SZT2: variants seen among roughly 807,000 people sequenced by gnomAD.
SZT2 encodes SZT2 subunit of KICSTOR complex.
SZT2 carries 216 observed loss-of-function variants against 404.2 expected under a neutral mutation model. The ratio of observed to expected loss-of-function variants is 0.53; its 90% CI spans 0.48 to 0.60. SZT2 has a LOEUF of 0.60. Ranked by LOEUF, SZT2 falls within the 20% of genes least tolerant of loss-of-function variation. SZT2 has a pLI of 0.00. For missense variants in SZT2, 3,857 were observed against 4,459.2 expected (o/e 0.86, Z 3.85); for synonymous variants, 1,693 against 1,749.9 (o/e 0.97, Z 0.81).
chr1:43,418,809 C>G (rs1371069468), intron 7 of SZT2, among the ~76,000 whole-genome samples: 1 of 151,992 alleles, frequency 6.6e-6, no homozygotes, highest in African/African-American at 2.4e-5. Context: ...AGCAGAGGTT[C>G]AAGGCCTGGC....
In SZT2 at chr1:43,439,904, C is replaced by T. The variant is rs1185863092; in HGVS notation, c.7066C>T (p.Arg2356Ter). 1.2e-6 allele frequency: 2 copies of T among 1,604,342 alleles called. No homozygotes were observed. The highest frequency in any genetic ancestry group is 8.5e-7 in the Non-Finnish European group (1 of 1,174,806). Residue 2356 changes from arginine to a stop codon, truncating the protein, a stop_gained, in exon 51 of 72, where the codon CGA (arginine) becomes TGA (stop). Coordinates refer to ENST00000634258, the MANE Select transcript of SZT2 (RefSeq NM_001365999.1). LOFTEE classifies it high-confidence loss of function. The surrounding 1 kb of genome is among the most constrained non-coding windows in gnomAD (Gnocchi z 4.2). Reference protein sequence around the residue: ...SSAQNGAPRLRLDVWEKGNIS... With the variant: ...SSAQNGAPRL ...AGCTCAGAATGGGGCCCCACGGCTT[C>T]GATTGGATGTGTGGGAAAAGGGGAA...
Position 43,425,406 on chromosome 1 carries a change from C to A in SZT2, c.2646-68C>A. The A allele has an allele frequency of 1.9e-6, 3 of 1,595,628 alleles. No homozygotes were observed. The South Asian group carries it at 3.4e-5, about 18-fold the overall frequency. On this transcript the variant is annotated intron_variant, in intron 18 of 71. Coordinates refer to ENST00000634258, the MANE Select transcript of SZT2 (RefSeq NM_001365999.1). This position sits in a 1 kb window ranked among gnomAD's most constrained non-coding sequence, Gnocchi z 4.3. ...CGTGGCTGTCCTCTGTGCCTGCCTC[C>A]TTCCCTCCATGAGGTTCACTCCCTG...
At chr1:43,390,146 T>A in intron 1 of SZT2, 151 bp downstream of exon 1, 1 of 894,798 alleles carries the variant, frequency 1.1e-6, no homozygotes, top group Non-Finnish European at 1.5e-6. Flanking sequence ...CCGACTATGG[T>A]ACCCCTGCGG....
rs1259321047 is a variant in SZT2 at position 43,453,683 on chromosome 1, C to T, written c.*3203C>T. On this transcript the variant is annotated 3_prime_UTR_variant, in exon 72 of 72. Transcript: ENST00000634258. ...CAGGCGTCTCCGCGTACGGCCAGGC[C>T]ACCTCGACGGCCTCGAAGCCCGAGC... is the stretch of plus-strand genomic sequence containing the variant. 11 of 1,460,810 alleles carry T rather than the reference C, an allele frequency of 7.5e-6. No individual in the cohort carries two copies. Among genetic ancestry groups the T allele is most frequent in the Non-Finnish European group, 9.9e-6 (11 of 1,116,050 alleles). The allele number at this position is 1,460,810 out of a possible 1,614,324, so 90.5% of individuals were successfully genotyped here. A position where few individuals can be genotyped will look rare whatever the true frequency, so the allele number is the denominator to read the frequency against.
In SZT2 at chr1:43,431,267, C is replaced by T. The variant is rs1355780223; in HGVS notation, c.4919C>T (p.Ser1640Leu). The T allele has an allele frequency of 1.2e-6, 2 of 1,608,160 alleles. No homozygotes were observed. Among genetic ancestry groups the T allele is most frequent in the East Asian group, 2.2e-5 (1 of 44,862 alleles). Residue 1640 changes from serine to leucine, a missense_variant and splice_region_variant, in exon 34 of 72, where the codon TCA becomes TTA. Ser to Leu is a moderately radical substitution (Grantham distance 145). Around this residue, in one of 7 missense-constraint regions of SZT2, gnomAD observed 1,725 missense variants for 1,881.0 expected, o/e 0.92. Coordinates refer to ENST00000634258, the MANE Select transcript of SZT2 (RefSeq NM_001365999.1). Reference sequence around the variant, plus strand: ...TGACTTGTTCCCACCCTGTTCAGGTCAACATCTGAAAGCAGTGCTTCATTT... The same window carrying T: ...TGACTTGTTCCCACCCTGTTCAGGTTAACATCTGAAAGCAGTGCTTCATTT... Reference protein sequence around the residue: ...PTASDPQHHRSTSESSASFPR... With the variant: ...PTASDPQHHRLTSESSASFPR...
In SZT2 at chr1:43,431,526, G is replaced by A. The variant is rs1446294434; in HGVS notation, c.5088+3G>A. On this transcript the variant is annotated splice_donor_region_variant and intron_variant, in intron 35 of 71. Coordinates refer to ENST00000634258, the MANE Select transcript of SZT2 (RefSeq NM_001365999.1). ...CTATTGAGACCACCATGAATGAGGT[G>A]AGCCCCCCACCCCCAACACTGTAAC... is the stretch of plus-strand genomic sequence containing the variant. The A allele has an allele frequency of 6.2e-7, 1 of 1,614,132 alleles. No individual in the cohort carries two copies. Among genetic ancestry groups the A allele is most frequent in the East Asian group, 2.2e-5 (1 of 44,874 alleles).
intron 46 of SZT2, 197 bp downstream of exon 46, chr1:43,438,099 C>G (rs1654657001): frequency 1.7e-6 from 1 of 576,648 alleles, no homozygotes; most frequent in Non-Finnish European, 3.1e-6. Context: ...CCTCCTATTA[C>G]TCTGCCCTGG....
chr1:43,445,741 T>TC (rs1655584166), intron 62 of SZT2, 153 bp from the exon 63 acceptor site: 4 of 758,964 alleles, frequency 5.3e-6, no homozygotes, highest in Admixed American at 4.1e-5. Context: ...AGACCTGGAC[T>TC]CCAAGCCCAG....
rs763660997 is a variant in SZT2, at chr1:43,416,525, C to G, written c.773-10C>G. The G allele has an allele frequency of 6.3e-7, 1 of 1,597,036 alleles. No homozygotes were observed. The highest frequency in any genetic ancestry group is 8.5e-7 in the Non-Finnish European group (1 of 1,179,068). On this transcript the variant is annotated splice_polypyrimidine_tract_variant and intron_variant, in intron 6 of 71. Coordinates refer to ENST00000634258, the MANE Select transcript of SZT2 (RefSeq NM_001365999.1). Reference sequence around the variant, plus strand: ...TGTCTCCAGGTCTGATCTGGTGTTTCCTGCTCCAGGGATTATCGTGATCAC... The same window carrying G: ...TGTCTCCAGGTCTGATCTGGTGTTTGCTGCTCCAGGGATTATCGTGATCAC...
rs769417614 is a variant in SZT2, at chr1:43,451,019, TTAA to T, written c.*541_*543del. ...TCTCGGACCCTGGGTTTCTCATCCT[TTAA>T]TGAGGTGGGTTCAGAAGCTCTCCCA... On this transcript the variant is annotated 3_prime_UTR_variant, in exon 72 of 72. Transcript: ENST00000634258. 6.5e-6 allele frequency: 5 copies of T among 769,788 alleles called. No individual in the cohort carries two copies. The African/African-American group carries it at 8.4e-5, about 13-fold the overall frequency. 47.7% of individuals were successfully genotyped at this position (769,788 alleles called of 1,614,324 possible). A position where few individuals can be genotyped will look rare whatever the true frequency, so the allele number is the denominator to read the frequency against.
At chr1:43,396,561 CAAAG>C (rs985321070) in intron 1 of SZT2, among the ~76,000 whole-genome samples, 2 of 152,308 alleles carry the variant, frequency 1.3e-5, no homozygotes, top group Non-Finnish European at 1.5e-5. Flanking sequence ...ACTTCTGACT[CAAAG>C]AAGAGAGGTA....
rs1469969355 is a variant in SZT2, at chr1:43,419,841, T to A, written c.987T>A (p.Pro329=). 6.3e-7 allele frequency: 1 copy of A among 1,598,528 alleles called. No homozygotes were observed. Among genetic ancestry groups the A allele is most frequent in the Non-Finnish European group, 8.5e-7 (1 of 1,179,800 alleles). Residue 329 remains proline (P), a synonymous_variant, in exon 8 of 72, where the codon CCT becomes CCA. Coordinates refer to ENST00000634258, the MANE Select transcript of SZT2 (RefSeq NM_001365999.1). ...ATFGSYLSTC[P]EPEPGNLGLT... ...TTGGGTCCTACCTGTCCACTTGTCC[T>A]GAGCCGGAGCCAGGCAACCTGGGTC...
chr1:43,433,334 G>C, intron 40 of SZT2, 144 bp downstream of exon 40: 1 of 824,104 alleles, frequency 1.2e-6, no homozygotes, highest in Non-Finnish European at 1.9e-6. Flanking sequence ...TTAGGTTGGT[G>C]GTTCCCGATC....
At position 43,421,293 on chromosome 1, in the gene SZT2, CCA is replaced by C; in HGVS notation, c.1618_1619del (p.Thr540HisfsTer12). ...CCACTCTTCTACATCCCTCCAGGCTCCACCACCCCGGTGAGTAGCTCTGAAGT... is the reference window on the plus strand; with the variant it reads ...CCACTCTTCTACATCCCTCCAGGCTCCCACCCCGGTGAGTAGCTCTGAAGT... On this transcript the variant is annotated frameshift_variant, in exon 11 of 72. Transcript: ENST00000634258. LOFTEE classifies it high-confidence loss of function. 6.3e-7 allele frequency: 1 copy of C among 1,598,532 alleles called. No homozygotes were observed. Among genetic ancestry groups the C allele is most frequent in the Non-Finnish European group, 8.5e-7 (1 of 1,179,800 alleles).
chr1:43,446,046 A>G (rs974989608), intron 63 of SZT2, 62 bp downstream of exon 63: 1 of 1,598,158 alleles, frequency 6.3e-7, no homozygotes. Flanking sequence ...GCCTGAGGTC[A>G]TTGACCCTGA....
At chr1:43,445,747 C>A in intron 62 of SZT2, 147 bp from the exon 63 acceptor site, 3 of 787,202 alleles carry the variant, frequency 3.8e-6, no homozygotes, top group Non-Finnish European at 2.1e-6. Flanking sequence ...GGACTCCAAG[C>A]CCAGCCTTGC....
In SZT2 at chr1:43,421,051, G is replaced by A. The variant is rs143243057; in HGVS notation, c.1496+68G>A. 1.3e-3 allele frequency: 2,133 copies of A among 1,592,982 alleles called. 77 individuals are homozygous for A. The East Asian group carries it at 0.045, about 34-fold the overall frequency. On this transcript the variant is annotated intron_variant, in intron 10 of 71. Coordinates refer to ENST00000634258, the MANE Select transcript of SZT2 (RefSeq NM_001365999.1). ...TATGGAGGGACAGATTTGCAAAGGC[G>A]GGAGCTGGGGAGCATCACCCAGAGA...
chr1:43,441,618 C>T lies in SZT2; in HGVS notation c.7609+17C>T. On this transcript the variant is annotated intron_variant, in intron 54 of 71. Coordinates refer to ENST00000634258, the MANE Select transcript of SZT2 (RefSeq NM_001365999.1). This position sits in a 1 kb window ranked among gnomAD's most constrained non-coding sequence, Gnocchi z 4.8. ...TTCAGATTGGTGAGACCCCAGCCTC[C>T]CCTCCCATCCCTCAACCCCAGCCTG... The T allele has an allele frequency of 2.5e-6, 4 of 1,613,970 alleles. No individual in the cohort carries two copies. The highest frequency in any genetic ancestry group is 3.4e-6 in the Non-Finnish European group (4 of 1,179,946).
intron 62 of SZT2, chr1:43,445,561 C>T (rs1655566254): frequency 5.4e-6 from 2 of 371,926 alleles, no homozygotes; most frequent in Admixed American, 3.8e-5. Flanking sequence ...CAAGCATCTC[C>T]TTGAATTTTC....
Sources: allele counts gnomAD v4.1 joint callset (sites outside exome capture counted in the v4.1 genomes callset), GRCh38; gene constraint gnomAD v4.1.1; regional missense constraint gnomAD v4.1.1; non-coding constraint Gnocchi (gnomAD v3.1); transcripts MANE v1.5; gene names NCBI Gene and HGNC (gene_info 2026-07-23, HGNC 2026-07-21).